LHFPL6: variants seen among roughly 807,000 people sequenced by gnomAD.
The protein encoded by LHFPL6 is LHFPL tetraspan subfamily member 6, also known as LHFPL tetraspan subfamily member 6 protein.
A neutral mutation model predicts 20.6 loss-of-function variants in LHFPL6; 9 were observed. The ratio of observed to expected loss-of-function variants is 0.44; its 90% CI spans 0.26 to 0.76. The LOEUF (loss-of-function observed/expected upper bound fraction) is 0.76. Ranked by LOEUF, LHFPL6 falls within the 30% of genes least tolerant of loss-of-function variation. LHFPL6 has a pLI of 0.20. For missense variants in LHFPL6, 218 were observed against 253.5 expected (o/e 0.86, Z 0.95); for synonymous variants, 105 against 98.7 (o/e 1.06, Z -0.38).
chr13:39,483,805 C>T (rs1487771515), intron 2 of LHFPL6, among the ~76,000 whole-genome samples: 2 of 152,130 alleles, frequency 1.3e-5, no homozygotes, highest in South Asian at 4.1e-4. Context: ...TTATCTGCCA[C>T]CCTCTTCCTT....
At chr13:39,365,017 G>A (rs764611357) in intron 3 of LHFPL6, among the ~76,000 whole-genome samples, 1 of 152,170 alleles carries the variant, frequency 6.6e-6, no homozygotes, top group Non-Finnish European at 1.5e-5. Flanking sequence ...TGATCTCCAG[G>A]TGGGGGTGGC....
rs150179852 is a variant in LHFPL6 at position 39,426,631 on chromosome 13, A to G, written c.386-48105T>C. 1.3e-4 allele frequency among the ~76,000 whole-genome samples: 20 copies of G among 152,330 alleles called. No individual in the cohort carries two copies. The East Asian group carries it at 3.9e-3, about 29-fold the overall frequency. ...TTATTTCACTTAGAATAACATTTTCAAGGTTCACCCACGGTGCACCACATA... is the reference window on the plus strand; with the variant it reads ...TTATTTCACTTAGAATAACATTTTCGAGGTTCACCCACGGTGCACCACATA... On this transcript the variant is annotated intron_variant, in intron 2 of 3. Transcript: ENST00000379589.
chr13:39,368,374 G>A (rs1870064734), intron 3 of LHFPL6, among the ~76,000 whole-genome samples: 2 of 151,940 alleles, frequency 1.3e-5, no homozygotes, highest in Admixed American at 1.3e-4. Context: ...ACGAGGTCAA[G>A]AGATCAAGAC....
intron 3 of LHFPL6, among the ~76,000 whole-genome samples, chr13:39,363,878 G>A (rs959717441): frequency 2.2e-4 from 33 of 152,150 alleles, no homozygotes; most frequent in African/African-American, 1.2e-4. Flanking sequence ...AAACCAGGCC[G>A]TTGGGATATA....
At chr13:39,434,376 C>T (rs532995926) in intron 2 of LHFPL6, among the ~76,000 whole-genome samples, 25 of 152,194 alleles carry the variant, frequency 1.6e-4, no homozygotes, top group African/African-American at 6.0e-4. Flanking sequence ...GAATTCTAAC[C>T]CCAGAATCCA....
intron 2 of LHFPL6, among the ~76,000 whole-genome samples, chr13:39,458,884 G>A (rs951230652): frequency 2.6e-5 from 4 of 152,060 alleles, no homozygotes; most frequent in African/African-American, 4.8e-5. Flanking sequence ...AGGAAATACC[G>A]AAGAAATAAC....
chr13:39,484,570 C>T (rs1031669455), intron 2 of LHFPL6, among the ~76,000 whole-genome samples: 1 of 152,120 alleles, frequency 6.6e-6, no homozygotes, highest in Non-Finnish European at 1.5e-5. Flanking sequence ...ATCTACCCTC[C>T]TTTATGTACA....
At chr13:39,421,104 C>CAAA (rs35794100) in intron 2 of LHFPL6, among the ~76,000 whole-genome samples, 3 of 151,786 alleles carry the variant, frequency 2.0e-5, no homozygotes, top group East Asian at 1.9e-4. Flanking sequence ...ACAACAACAA[C>CAAA]AAAAAAAACT....
chr13:39,579,268 C>A (rs1184299740), intron 2 of LHFPL6, among the ~76,000 whole-genome samples: 1 of 152,164 alleles, frequency 6.6e-6, no homozygotes, highest in Non-Finnish European at 1.5e-5. Context: ...TACTCTCCAC[C>A]CACCACAAGT....
intron 2 of LHFPL6, among the ~76,000 whole-genome samples, chr13:39,515,365 A>G (rs1351923595): frequency 6.6e-6 from 1 of 152,258 alleles, no homozygotes; most frequent in African/African-American, 2.4e-5. Context: ...GCTATAAATC[A>G]GCATCAGGAA....
At chr13:39,542,901 A>G (rs1453554879) in intron 2 of LHFPL6, among the ~76,000 whole-genome samples, 3 of 152,222 alleles carry the variant, frequency 2.0e-5, no homozygotes, top group Non-Finnish European at 4.4e-5. Context: ...TTAAGTATAA[A>G]TTTTAGTGGC....
At chr13:39,577,361 G>A (rs1199583943) in intron 2 of LHFPL6, among the ~76,000 whole-genome samples, 4 of 152,154 alleles carry the variant, frequency 2.6e-5, no homozygotes, top group African/African-American at 9.7e-5. Flanking sequence ...CCAAGTGTAC[G>A]CATTTCAGGA....
rs558609785 is a variant in LHFPL6, at chr13:39,460,373, TG to T, written c.386-81848del. Among the ~76,000 whole-genome samples, 10 of 152,154 alleles carry T rather than the reference TG, an allele frequency of 6.6e-5. No homozygotes were observed. In the East Asian group the frequency reaches 1.7e-3, roughly 26 times the overall value. On this transcript the variant is annotated intron_variant, in intron 2 of 3. Coordinates refer to ENST00000379589, the MANE Select transcript of LHFPL6 (RefSeq NM_005780.3). ...TCAAGAGGCGACACAACAAGAACCA[TG>T]GTGGAAATGGTTAATTATGGTGGAA...
At chr13:39,375,565 C>G (rs1256277066) in intron 3 of LHFPL6, among the ~76,000 whole-genome samples, 2 of 151,980 alleles carry the variant, frequency 1.3e-5, no homozygotes, top group Non-Finnish European at 2.9e-5. Context: ...GTGGCGGGTG[C>G]CTGTAATCTC....
intron 2 of LHFPL6, among the ~76,000 whole-genome samples, chr13:39,594,715 C>A (rs1872716608): frequency 6.6e-6 from 1 of 152,188 alleles, no homozygotes; most frequent in African/African-American, 2.4e-5. Flanking sequence ...TTGGAACCAA[C>A]CCAAATGTCC....
intron 2 of LHFPL6, among the ~76,000 whole-genome samples, chr13:39,583,542 C>T (rs918039854): frequency 5.3e-5 from 8 of 152,132 alleles, no homozygotes; most frequent in Non-Finnish European, 1.0e-4. Flanking sequence ...CTTACACATT[C>T]AAATAATATG....
chr13:39,563,347 C>T (rs1382803519), intron 2 of LHFPL6, among the ~76,000 whole-genome samples: 1 of 152,130 alleles, frequency 6.6e-6, no homozygotes, highest in African/African-American at 2.4e-5. Flanking sequence ...ACAGTCCATG[C>T]TGCCCCAAGT....
At chr13:39,529,804 T>G (rs1387801228) in intron 2 of LHFPL6, among the ~76,000 whole-genome samples, 1 of 152,166 alleles carries the variant, frequency 6.6e-6, no homozygotes, top group Non-Finnish European at 1.5e-5. Context: ...AATAAAAAGG[T>G]TTTGGACTTG....
chr13:39,441,137 ATTTTTTTTTTTTTTT>A lies in LHFPL6; in HGVS notation c.386-62626_386-62612del, dbSNP rs57695621. Among the ~76,000 whole-genome samples the A allele has an allele frequency of 1.1e-3, 102 of 91,470 alleles. No individual in the cohort carries two copies. The Middle Eastern group carries it at 0.037, about 33-fold the overall frequency. 60.0% of individuals were successfully genotyped at this position (91,470 alleles called of 152,430 possible). On this transcript the variant is annotated intron_variant, in intron 2 of 3. Transcript: ENST00000379589. The stretch of plus-strand genomic sequence containing the variant: ...CAGGCATGTGCCACCATGCCAACTA[ATTTTTTTTTTTTTTT>A]TTTTTTTTTTTTTTGGAGAAAGGCT...
Sources: allele counts gnomAD v4.1 joint callset (sites outside exome capture counted in the v4.1 genomes callset), GRCh38; gene constraint gnomAD v4.1.1; transcripts MANE v1.5; gene names NCBI Gene and HGNC (gene_info 2026-07-23, HGNC 2026-07-21).